ANKRD28: variants seen among roughly 807,000 people sequenced by gnomAD.
ANKRD28 encodes the protein ankyrin repeat domain 28.
A neutral mutation model predicts 126.5 loss-of-function variants in ANKRD28; 44 were observed. That is an observed-to-expected ratio of 0.35 (90% confidence interval 0.27 to 0.45). The LOEUF is 0.45. Ranked by LOEUF, ANKRD28 falls within the 20% of genes least tolerant of loss-of-function variation. ANKRD28 has a pLI of 1.00. For synonymous variants in ANKRD28, 442 were observed against 468.5 expected (o/e 0.94, Z 0.73); for missense variants, 1,110 against 1,316.6 (o/e 0.84, Z 2.43).
chr3:15,815,904 CA>C lies in ANKRD28; in HGVS notation c.28-20599del, dbSNP rs1172424944. ...TCTGCCATATGGTGGCAGCAAATAC[CA>C]AAGAAAATTAATTTCTTGAGTACGT... On this transcript the variant is annotated intron_variant, in intron 1 of 27. Coordinates refer to the ANKRD28 transcript ENST00000399451. The surrounding 1 kb of genome is among the most constrained non-coding windows in gnomAD (Gnocchi z 4.1). Among the ~76,000 whole-genome samples, 3 of 151,994 alleles carry C rather than the reference CA, an allele frequency of 2.0e-5. No homozygotes were observed. The highest frequency in any genetic ancestry group is 4.4e-5 in the Non-Finnish European group (3 of 67,964).
intron 2 of ANKRD28, among the ~76,000 whole-genome samples, chr3:15,766,706 A>G: frequency 6.6e-6 from 1 of 152,284 alleles, no homozygotes. Context: ...AAACAAAAAC[A>G]CAGGGTATTT....
intron 18 of ANKRD28, among the ~76,000 whole-genome samples, chr3:15,689,128 C>T (rs1326190610): frequency 1.3e-5 from 2 of 152,188 alleles, no homozygotes; most frequent in African/African-American, 2.4e-5. Flanking sequence ...TCAAAAATTT[C>T]CCCAGACAGT....
At chr3:15,850,865 G>A (rs1305413746) in intron 1 of ANKRD28, among the ~76,000 whole-genome samples, 1 of 152,216 alleles carries the variant, frequency 6.6e-6, no homozygotes, top group Non-Finnish European at 1.5e-5. Flanking sequence ...GTCATCAGAA[G>A]CCCAAGTAAA....
intron 1 of ANKRD28, among the ~76,000 whole-genome samples, chr3:15,850,259 A>G (rs187297848): frequency 2.3e-4 from 27 of 115,780 alleles, no homozygotes; most frequent in Admixed American, 3.4e-4. Context: ...AGAGAGAGAG[A>G]GAGAAAGTTG....
intron 1 of ANKRD28, among the ~76,000 whole-genome samples, chr3:15,824,958 G>T (rs538398679): frequency 3.9e-5 from 6 of 152,148 alleles, no homozygotes; most frequent in Non-Finnish European, 2.9e-5. Context: ...CACTGAAAAA[G>T]ATCTCCAAGA....
intron 6 of ANKRD28, among the ~76,000 whole-genome samples, chr3:15,730,525 C>T (rs1575424933): frequency 1.3e-5 from 2 of 152,292 alleles, no homozygotes; most frequent in Non-Finnish European, 2.9e-5. Context: ...GTCTCTTACA[C>T]TAACATTGAT....
intron 1 of ANKRD28, among the ~76,000 whole-genome samples, chr3:15,807,705 G>C (rs1049044435): frequency 3.3e-5 from 5 of 152,088 alleles, no homozygotes; most frequent in Non-Finnish European, 7.4e-5. Flanking sequence ...TTTCATAAAG[G>C]GTTGATAAAG....
chr3:15,799,935 G>T (rs931507555), upstream of ANKRD28, among the ~76,000 whole-genome samples: 1 of 152,134 alleles, frequency 6.6e-6, no homozygotes, highest in African/African-American at 2.4e-5. Context: ...AACAAGAATA[G>T]TGGGGGTGTG....
chr3:15,810,736 T>C, intron 1 of ANKRD28, among the ~76,000 whole-genome samples: 1 of 151,716 alleles, frequency 6.6e-6, no homozygotes, highest in South Asian at 2.1e-4. Flanking sequence ...ACATTGTCCT[T>C]AGCCATGATC....
chr3:15,814,169 A>G lies in ANKRD28; in HGVS notation c.28-18863T>C. Reference sequence around the variant, plus strand: ...TGAAAGCTAAGTTACAAGGAGGCTTAAACAGCAACAAACTAACAAATTACA... The same window carrying G: ...TGAAAGCTAAGTTACAAGGAGGCTTGAACAGCAACAAACTAACAAATTACA... On this transcript the variant is annotated intron_variant, in intron 1 of 27. Coordinates refer to the ANKRD28 transcript ENST00000399451. The surrounding 1 kb of genome is among the most constrained non-coding windows in gnomAD (Gnocchi z 4.7). The G allele has an allele frequency of 2.3e-6, 2 of 867,114 alleles. No homozygotes were observed. Among genetic ancestry groups the G allele is most frequent in the Non-Finnish European group, 3.0e-6 (2 of 671,024 alleles). 53.7% of individuals were successfully genotyped at this position (867,114 alleles called of 1,614,324 possible).
chr3:15,672,866 C>T (rs2066522851), intron 27 of ANKRD28, among the ~76,000 whole-genome samples: 1 of 152,218 alleles, frequency 6.6e-6, no homozygotes, highest in Non-Finnish European at 1.5e-5. Flanking sequence ...ACTTCTGCCT[C>T]CTGGGTTCAA....
chr3:15,773,341 TG>T (rs1237173660), intron 2 of ANKRD28, among the ~76,000 whole-genome samples: 1 of 152,166 alleles, frequency 6.6e-6, no homozygotes, highest in Non-Finnish European at 1.5e-5. Flanking sequence ...TTGCAAGATT[TG>T]GGCCAGATGC....
At chr3:15,757,369 T>C (rs998526520) in intron 3 of ANKRD28, among the ~76,000 whole-genome samples, 1 of 152,168 alleles carries the variant, frequency 6.6e-6, no homozygotes, top group African/African-American at 2.4e-5. Flanking sequence ...AAATAAAGCA[T>C]TGTGCTAAAT....
intron 3 of ANKRD28, among the ~76,000 whole-genome samples, chr3:15,764,956 T>A (rs2058672283): frequency 6.6e-6 from 1 of 152,016 alleles, no homozygotes; most frequent in Non-Finnish European, 1.5e-5. Flanking sequence ...ATTCTTAAAT[T>A]TTTATGAATT....
At chr3:15,774,424 C>A (rs1559509146) in intron 2 of ANKRD28, among the ~76,000 whole-genome samples, 1 of 152,070 alleles carries the variant, frequency 6.6e-6, no homozygotes, top group African/African-American at 2.4e-5. Flanking sequence ...AAGAAAACCA[C>A]CCAACAAAAT....
chr3:15,799,699 A>T (rs1326428179), upstream of ANKRD28, among the ~76,000 whole-genome samples: 1 of 152,036 alleles, frequency 6.6e-6, no homozygotes, highest in East Asian at 1.9e-4. Context: ...AACTTGTTCC[A>T]AAGTATCTAG....
intron 5 of ANKRD28, 117 bp downstream of exon 5, chr3:15,736,916 A>C (rs988274721): frequency 8.1e-6 from 9 of 1,110,542 alleles, no homozygotes; most frequent in Non-Finnish European, 1.2e-5. Flanking sequence ...AAATTAGACA[A>C]AAATGAGAAA....
chr3:15,758,078 G>A (rs76578925), intron 3 of ANKRD28, among the ~76,000 whole-genome samples: 11 of 152,134 alleles, frequency 7.2e-5, no homozygotes, highest in African/African-American at 2.7e-4. Context: ...TACTATTAAA[G>A]TTATTGCTAA....
rs1414274473 is a variant in ANKRD28 at position 15,803,786 on chromosome 3, A to T, written c.28-8480T>A. On this transcript the variant is annotated intron_variant, in intron 1 of 27. Coordinates refer to the ANKRD28 transcript ENST00000399451. The stretch of plus-strand genomic sequence containing the variant: ...AATTTGGGACTTTTTTAGTTTCCAA[A>T]TTTATACAATGAAGAATGTTACTTG... Among the ~76,000 whole-genome samples the T allele has an allele frequency of 1.4e-5, 2 of 143,996 alleles. 1 individual carries two copies. Among genetic ancestry groups the T allele is most frequent in the East Asian group, 6.1e-4 (2 of 3,268 alleles). 94.5% of individuals were successfully genotyped at this position (143,996 alleles called of 152,430 possible).
Sources: gnomAD v4.1 joint callset for allele counts (sites outside exome capture counted in the v4.1 genomes callset) on GRCh38, gnomAD v4.1.1 for gene constraint, Gnocchi (gnomAD v3.1) non-coding constraint, MANE v1.5 for transcripts, NCBI Gene and HGNC (gene_info 2026-07-23, HGNC 2026-07-21) for gene names.